SV2C: variants seen among roughly 807,000 people sequenced by gnomAD.
SV2C encodes solute carrier family 22 member B3.
A neutral mutation model predicts 79.7 loss-of-function variants in SV2C; 49 were observed. The ratio of observed to expected loss-of-function variants is 0.61; its 90% CI spans 0.49 to 0.78. The LOEUF (loss-of-function observed/expected upper bound fraction) is 0.78, where lower values mean the gene tolerates loss of function less well. Among genes scored for constraint, SV2C ranks in the 30% least tolerant of loss-of-function variants. The probability of loss-of-function intolerance (pLI) is 0.00; values close to 1 mark genes in which losing one functional copy is unlikely to be tolerated. For synonymous variants in SV2C, 334 were observed against 333.2 expected, an observed-to-expected ratio of 1.00 and a Z score of -0.03; for missense variants, 833 against 912.9, an observed-to-expected ratio of 0.91 and a Z score of 1.13.
chr5:76,026,431 CTAATGGT>C, the SV2C span, among the ~76,000 whole-genome samples: 1 of 152,120 alleles, frequency 6.6e-6, no homozygotes, highest in Admixed American at 6.6e-5. Context: ...TTTAAAATGT[CTAATGGT>C]TGATCCTTAC....
intron 6 of SV2C, among the ~76,000 whole-genome samples, chr5:76,288,209 A>G (rs567530870): frequency 7.9e-5 from 12 of 152,368 alleles, no homozygotes; most frequent in African/African-American, 2.9e-4. Context: ...AACATCAATT[A>G]CAGTTCTTAA....
the SV2C span, among the ~76,000 whole-genome samples, chr5:76,030,289 T>TTATTTATTTATTTATTTATTTA: frequency 4.2e-5 from 5 of 117,912 alleles, no homozygotes; most frequent in African/African-American, 1.9e-4. Context: ...TTTTTTTTTT[T>TTATTTATTTATTTATTTATTTA]TTTATTTATT....
At chr5:76,308,365 G>A (rs536958693) in intron 12 of SV2C, among the ~76,000 whole-genome samples, 1 of 152,182 alleles carries the variant, frequency 6.6e-6, no homozygotes, top group Admixed American at 6.5e-5. Flanking sequence ...CACCCAGCAG[G>A]GATGAAAGTC....
chr5:75,998,356 A>T, the SV2C span, among the ~76,000 whole-genome samples: 3 of 149,704 alleles, frequency 2.0e-5, no homozygotes, highest in East Asian at 1.9e-4. Flanking sequence ...ATAAAAAAAA[A>T]GTCCCATGGG....
chr5:76,325,359 T>C lies in SV2C; in HGVS notation c.2001-5T>C, dbSNP rs1203001085. The C allele has an allele frequency of 1.2e-6, 2 of 1,614,026 alleles. No homozygotes were observed. The highest frequency in any genetic ancestry group is 1.1e-5 in the South Asian group (1 of 91,058). ...CAACCTTGTTCATGTCTCTTTCCTT[T>C]GCAGGGCAACAGGCTTTGGCTTCTT... On this transcript the variant is annotated splice_polypyrimidine_tract_variant and splice_region_variant and intron_variant, in intron 12 of 12. Transcript: ENST00000502798.
intron 2 of SV2C, among the ~76,000 whole-genome samples, chr5:76,176,391 A>G (rs1169024446): frequency 2.0e-5 from 3 of 152,144 alleles, no homozygotes; most frequent in Non-Finnish European, 4.4e-5. Flanking sequence ...GGACACACAG[A>G]ATTTATGTCC....
At chr5:76,305,793 C>A (rs1306201734) in intron 12 of SV2C, among the ~76,000 whole-genome samples, 1 of 152,196 alleles carries the variant, frequency 6.6e-6, no homozygotes, top group Admixed American at 6.5e-5. Flanking sequence ...ATGAGCATAA[C>A]AATTGCAGTC....
chr5:76,194,918 G>A lies in SV2C; in HGVS notation c.581-1G>A. The A allele has an allele frequency of 6.2e-7, 1 of 1,613,732 alleles. No homozygotes were observed. The highest frequency in any genetic ancestry group is 8.5e-7 in the Non-Finnish European group (1 of 1,179,814). On this transcript the variant is annotated splice_acceptor_variant, in intron 2 of 12. Coordinates refer to ENST00000502798, the MANE Select transcript of SV2C (RefSeq NM_014979.4). LOFTEE classifies it high-confidence loss of function. ...GTTTCTTTGTTTTCTGTGTGTTGCA[G>A]GCAGCATAGTGTACCTCGGGATGAT...
the SV2C span, among the ~76,000 whole-genome samples, chr5:76,036,571 C>T: frequency 1.3e-5 from 2 of 152,078 alleles, no homozygotes; most frequent in African/African-American, 4.8e-5. Context: ...TGAATATTGG[C>T]CCCCACTCTC....
At chr5:76,208,503 T>C (rs1008807430) in intron 3 of SV2C, among the ~76,000 whole-genome samples, 1 of 152,238 alleles carries the variant, frequency 6.6e-6, no homozygotes, top group Non-Finnish European at 1.5e-5. Flanking sequence ...GATGACATTG[T>C]AAATCCCGTG....
downstream of SV2C, among the ~76,000 whole-genome samples, chr5:76,336,037 A>G (rs1214783385): frequency 1.4e-4 from 16 of 113,626 alleles, no homozygotes; most frequent in African/African-American, 4.6e-4. Flanking sequence ...GGGGGCGGCT[A>G]GCCGGGCGGG....
chr5:75,929,285 G>T, the SV2C span, among the ~76,000 whole-genome samples: 1 of 151,860 alleles, frequency 6.6e-6, no homozygotes, highest in Non-Finnish European at 1.5e-5. Flanking sequence ...CCTTTCTCTG[G>T]GGGATGCTGC....
chr5:76,267,441 C>A (rs1281607122), intron 4 of SV2C, among the ~76,000 whole-genome samples: 1 of 152,098 alleles, frequency 6.6e-6, no homozygotes, highest in African/African-American at 2.4e-5. Context: ...TTTTTCATTA[C>A]TTGATGGCCT....
the SV2C span, among the ~76,000 whole-genome samples, chr5:75,944,784 C>T: frequency 2.2e-4 from 33 of 152,060 alleles, no homozygotes; most frequent in African/African-American, 7.5e-4. Context: ...GAGAAAAGTA[C>T]CCATTTCTTT....
At position 76,291,315 on chromosome 5, in the gene SV2C, G is replaced by A. The variant is rs190593094; in HGVS notation, c.1232G>A (p.Arg411His). Residue 411 changes from arginine (R) to histidine (H), a missense_variant, in exon 7 of 13, where the codon CGC (arginine) becomes CAC (histidine). Coordinates refer to ENST00000502798, the MANE Select transcript of SV2C (RefSeq NM_014979.4). The stretch of plus-strand genomic sequence containing the variant: ...TATAGGAGGTGTTTTGTTCGGATCC[G>A]CACCGAGCTGTACGGAGTAAGTAAC... ...TWYRRCFVRI[R>H]TELYGIWLTF... 5.2e-4 allele frequency: 832 copies of A among 1,610,066 alleles called. 5 individuals are homozygous for A. The African/African-American group carries it at 0.01, about 20-fold the overall frequency.
At chr5:76,105,480 G>A (rs2112127458) in intron 1 of SV2C, among the ~76,000 whole-genome samples, 1 of 152,268 alleles carries the variant, frequency 6.6e-6, no homozygotes, top group Admixed American at 6.5e-5. Context: ...AACCAGTTGA[G>A]TAGCACCTGC....
chr5:76,185,328 A>G (rs1208893122), intron 2 of SV2C, among the ~76,000 whole-genome samples: 1 of 152,196 alleles, frequency 6.6e-6, no homozygotes, highest in Admixed American at 6.5e-5. Context: ...TGGGTTCTGG[A>G]GGATGGTGGC....
chr5:75,924,306 G>A, the SV2C span, among the ~76,000 whole-genome samples: 3 of 152,058 alleles, frequency 2.0e-5, no homozygotes, highest in Admixed American at 1.3e-4. Context: ...CAGGTGCAGT[G>A]TACACTGCTC....
chr5:76,263,634 C>T (rs1746552730), intron 4 of SV2C, among the ~76,000 whole-genome samples: 1 of 152,064 alleles, frequency 6.6e-6, no homozygotes. Context: ...GTGCTTCCTT[C>T]AGGAGTTCTT....
Sources: allele counts gnomAD v4.1 joint callset (sites outside exome capture counted in the v4.1 genomes callset), GRCh38; gene constraint gnomAD v4.1.1; transcripts MANE v1.5; gene names NCBI Gene and HGNC (gene_info 2026-07-23, HGNC 2026-07-21).